The following RAB19 variants were observed in gnomAD, a reference collection of about 807,000 sequenced individuals.
RAB19 encodes ras-related protein Rab-19.
Under a neutral mutation model 17.3 loss-of-function variants are expected in RAB19, and 21 were observed. That is an observed-to-expected ratio of 1.21 (90% CI 0.86 to 1.74). RAB19 has a LOEUF of 1.74. Ranked by LOEUF, RAB19 falls within the 40% of genes most tolerant of loss-of-function variation. RAB19 has a pLI of 0.00. For missense variants in RAB19, 277 were observed against 286.8 expected, an observed-to-expected ratio of 0.97 and a Z score of 0.25; for synonymous variants, 126 against 110.4, an observed-to-expected ratio of 1.14 and a Z score of -0.88.
intron 3 of RAB19, among the ~76,000 whole-genome samples, chr7:140,423,310 T>G (rs1799594597): frequency 6.6e-6 from 1 of 151,656 alleles, no homozygotes; most frequent in Non-Finnish European, 1.5e-5. Context: ...CATGGTGGCA[T>G]GCGCCTGGAG....
chr7:140,412,122 T>A (rs2130112525), intron 3 of RAB19, 65 bp downstream of exon 3: 5 of 1,449,910 alleles, frequency 3.4e-6, no homozygotes, highest in Non-Finnish European at 3.8e-6. Flanking sequence ...GCTTTCTGCA[T>A]GTTTCTAATG....
chr7:140,410,317 T>TTC (rs1554441258), intron 2 of RAB19, among the ~76,000 whole-genome samples: 2 of 106,108 alleles, frequency 1.9e-5, no homozygotes, highest in East Asian at 2.9e-4. Flanking sequence ...ATTTTTCTTT[T>TTC]TTTTTTTTTT....
At chr7:140,408,634 C>G (rs1228391572) in intron 2 of RAB19, among the ~76,000 whole-genome samples, 1 of 152,062 alleles carries the variant, frequency 6.6e-6, no homozygotes, top group Non-Finnish European at 1.5e-5. Flanking sequence ...CACCACCACA[C>G]CGGGCTAAGT....
rs1264060207 is a variant in RAB19 at position 140,424,609 on chromosome 7, CTCTCTCTCTCTATA to C, written c.386-1271_386-1258del. On this transcript the variant is annotated intron_variant, in intron 3 of 3. Transcript: ENST00000537763. ...TCCCTCTCTCTCTCTCTCTCTCTCT[CTCTCTCTCTCTATA>C]TATATATATATATATATGTGTGTGT... is the stretch of plus-strand genomic sequence containing the variant. Among the ~76,000 whole-genome samples, 9 of 83,652 alleles carry C rather than the reference CTCTCTCTCTCTATA, an allele frequency of 1.1e-4. No homozygotes were observed. In the East Asian group the frequency reaches 1.9e-3, roughly 17 times the overall value. 54.9% of individuals were successfully genotyped at this position (83,652 alleles called of 152,430 possible). A position where few individuals can be genotyped will look rare whatever the true frequency, so the allele number is the denominator to read the frequency against.
At chr7:140,425,257 G>A (rs1416482353) in intron 3 of RAB19, among the ~76,000 whole-genome samples, 1 of 152,114 alleles carries the variant, frequency 6.6e-6, no homozygotes, top group Non-Finnish European at 1.5e-5. Flanking sequence ...CTGCACTCCA[G>A]CCTGGGTGAC....
intron 3 of RAB19, among the ~76,000 whole-genome samples, chr7:140,417,264 CAGT>C (rs764491152): frequency 3.3e-5 from 5 of 151,098 alleles, no homozygotes; most frequent in Admixed American, 2.0e-4. Context: ...TAGCTGGACT[CAGT>C]GGTGTACGCC....
At chr7:140,412,091 ACTCTC>A in intron 3 of RAB19, 34 bp downstream of exon 3, 2 of 1,577,108 alleles carry the variant, frequency 1.3e-6, no homozygotes, top group Non-Finnish European at 1.7e-6. Context: ...ACTTTTGTTT[ACTCTC>A]CTCTGAGGAT....
At chr7:140,409,721 T>A (rs1472052333) in intron 2 of RAB19, among the ~76,000 whole-genome samples, 1 of 145,744 alleles carries the variant, frequency 6.9e-6, no homozygotes, top group Non-Finnish European at 1.5e-5. Context: ...AGGCTGGGCG[T>A]GGTGGCTCAC....
chr7:140,423,439 CAAA>C (rs59001396), intron 3 of RAB19, among the ~76,000 whole-genome samples: 2 of 131,012 alleles, frequency 1.5e-5, no homozygotes, highest in African/African-American at 2.8e-5. Context: ...GACTACATTT[CAAA>C]AAAAAAAAAA....
intron 3 of RAB19, among the ~76,000 whole-genome samples, chr7:140,424,401 C>T (rs1799615577): frequency 6.6e-6 from 1 of 151,972 alleles, no homozygotes; most frequent in Non-Finnish European, 1.5e-5. Flanking sequence ...AGGTTATCCA[C>T]CCACCTCGGC....
chr7:140,415,076 C>T (rs1486109284), intron 3 of RAB19, among the ~76,000 whole-genome samples: 1 of 149,448 alleles, frequency 6.7e-6, no homozygotes, highest in East Asian at 2.0e-4. Context: ...CTTTTCTTTT[C>T]TTTTCTTTTT....
At position 140,426,251 on chromosome 7, in the gene RAB19, C is replaced by T. The variant is rs564146396; in HGVS notation, c.*101C>T. On this transcript the variant is annotated 3_prime_UTR_variant, in exon 4 of 4. Coordinates refer to ENST00000537763, the MANE Select transcript of RAB19 (RefSeq NM_001008749.3). ...GCCCCAGTGGCGCTTTAGACCCCAG[C>T]GTGGACTTGCCGCTCACCCCTAATC... is the stretch of plus-strand genomic sequence containing the variant. The T allele has an allele frequency of 8.0e-6, 11 of 1,379,932 alleles. 1 individual carries two copies. The highest frequency in any genetic ancestry group is 5.8e-5 in the African/African-American group (4 of 68,806). 85.5% of individuals were successfully genotyped at this position (1,379,932 alleles called of 1,614,324 possible).
At chr7:140,425,608 C>T (rs948842631) in intron 3 of RAB19, among the ~76,000 whole-genome samples, 1 of 151,848 alleles carries the variant, frequency 6.6e-6, no homozygotes, top group Non-Finnish European at 1.5e-5. Flanking sequence ...CCTGTAATTC[C>T]AGCTACTTGG....
intron 2 of RAB19, 105 bp from the exon 3 acceptor site, chr7:140,411,769 A>G: frequency 6.2e-7 from 1 of 1,601,658 alleles, no homozygotes. Context: ...CTGAATATCT[A>G]GAAGTGAGAC....
chr7:140,407,743 G>T lies in RAB19; in HGVS notation c.97G>T (p.Val33Leu), dbSNP rs1184215603. Residue 33 changes from valine to leucine, a missense_variant, in exon 2 of 4, where the codon GTG (valine) becomes TTG (leucine). Physicochemically the swap from Val to Leu is conservative, Grantham distance 32. Transcript: ENST00000537763. ...GGATTCCAATGTGGGGAAGACGTGT[G>T]TGGTGCAGCATTTCAAGTCTGGAGT... is the stretch of plus-strand genomic sequence containing the variant. ...IGDSNVGKTC[V>L]VQHFKSGVYT... The T allele has an allele frequency of 1.2e-6, 2 of 1,613,996 alleles. No homozygotes were observed.
chr7:140,406,301 A>G (rs1481794807), intron 1 of RAB19, among the ~76,000 whole-genome samples: 3 of 151,350 alleles, frequency 2.0e-5, no homozygotes, highest in Non-Finnish European at 2.9e-5. Flanking sequence ...ATACTCTCAG[A>G]TAATTCTGAT....
At position 140,420,082 on chromosome 7, in the gene RAB19, G is replaced by C. The variant is rs1039418969; in HGVS notation, c.386-5800G>C. Among the ~76,000 whole-genome samples the C allele has an allele frequency of 4.6e-5, 7 of 152,124 alleles. No homozygotes were observed. The East Asian group carries it at 1.3e-3, about 29-fold the overall frequency. ...GCAGATGTTGGGACAGGATGAGATA[G>C]ACATGCAAGAGATTTACTGGGAGAA... is the stretch of plus-strand genomic sequence containing the variant. On this transcript the variant is annotated intron_variant, in intron 3 of 3. Coordinates refer to ENST00000537763, the MANE Select transcript of RAB19 (RefSeq NM_001008749.3).
At chr7:140,407,890 T>A in intron 2 of RAB19, 43 bp downstream of exon 2, 8 of 1,005,970 alleles carry the variant, frequency 8.0e-6, no homozygotes, top group Non-Finnish European at 1.1e-5. Flanking sequence ...CTTTTTTTTT[T>A]TTTTTTTTTT....
chr7:140,417,439 G>A (rs1242962622), intron 3 of RAB19, among the ~76,000 whole-genome samples: 1 of 151,856 alleles, frequency 6.6e-6, no homozygotes, highest in African/African-American at 2.4e-5. Flanking sequence ...CAGATGGAGT[G>A]GGATGCAGGG....
Sources: gnomAD v4.1 joint callset for allele counts (sites outside exome capture counted in the v4.1 genomes callset) on GRCh38, gnomAD v4.1.1 for gene constraint, MANE v1.5 for transcripts, NCBI Gene and HGNC (gene_info 2026-07-23, HGNC 2026-07-21) for gene names.